Variants in MACROD2 observed in about 807,000 individuals in gnomAD.
MACROD2 encodes the protein mono-ADP ribosylhydrolase 2, also known as ADP-ribose glycohydrolase MACROD2.
MACROD2 carries 36 observed loss-of-function variants against 70.4 expected under a neutral mutation model. That is an observed-to-expected ratio of 0.51 (90% confidence interval 0.39 to 0.68). The LOEUF (loss-of-function observed/expected upper bound fraction) is 0.68. MACROD2 is among the 30% of genes least tolerant of loss of function. MACROD2 has a pLI of 0.00. For synonymous variants in MACROD2, 172 were observed against 178.8 expected, an observed-to-expected ratio of 0.96 and a Z score of 0.30; for missense variants, 496 against 538.4, an observed-to-expected ratio of 0.92 and a Z score of 0.78.
intron 4 of MACROD2, among the ~76,000 whole-genome samples, chr20:14,540,533 G>C (rs1412097390): frequency 6.6e-6 from 1 of 152,066 alleles, no homozygotes; most frequent in Admixed American, 6.6e-5. Flanking sequence ...TTTCCTTCAA[G>C]TGGAATGGCC....
chr20:15,007,442 C>A (rs1056480395), intron 5 of MACROD2, among the ~76,000 whole-genome samples: 1 of 151,868 alleles, frequency 6.6e-6, no homozygotes, highest in Non-Finnish European at 1.5e-5. Context: ...ATTATATACT[C>A]TCTTGTTCAA....
At position 15,168,507 on chromosome 20, in the gene MACROD2, C is replaced by T. The variant is rs2076401757; in HGVS notation, c.419-61433C>T. 3.7e-5 allele frequency among the ~76,000 whole-genome samples: 5 copies of T among 134,288 alleles called. 1 individual carries two copies. In the South Asian group the frequency reaches 7.2e-4, roughly 19 times the overall value. The allele number at this position is 134,288 out of a possible 152,430, so 88.1% of individuals were successfully genotyped here. A position where few individuals can be genotyped will look rare whatever the true frequency, so the allele number is the denominator to read the frequency against. On this transcript the variant is annotated intron_variant, in intron 5 of 17. Transcript: ENST00000684519. ...TGTGTGTGTTGACATGAATTATTTC[C>T]ATCATTTAAAAACTCAGAAAGATGG...
chr20:15,030,304 A>T (rs951658792), intron 5 of MACROD2, among the ~76,000 whole-genome samples: 1 of 152,122 alleles, frequency 6.6e-6, no homozygotes, highest in Non-Finnish European at 1.5e-5. Flanking sequence ...CTACACAAAA[A>T]TTTTTAAAAA....
intron 8 of MACROD2, among the ~76,000 whole-genome samples, chr20:15,557,445 G>T (rs1182513347): frequency 6.6e-6 from 1 of 152,172 alleles, no homozygotes; most frequent in Non-Finnish European, 1.5e-5. Context: ...CCCACAAGAA[G>T]AAACAGCAAA....
rs80320876 is a variant in MACROD2 at position 14,977,997 on chromosome 20, T to C, written c.419-251943T>C. 3.9e-5 allele frequency among the ~76,000 whole-genome samples: 6 copies of C among 152,296 alleles called. No homozygotes were observed. The East Asian group carries it at 7.7e-4, about 20-fold the overall frequency. On this transcript the variant is annotated intron_variant, in intron 5 of 17. Coordinates refer to ENST00000684519, the MANE Select transcript of MACROD2 (RefSeq NM_001351661.2). Reference sequence around the variant, plus strand: ...AAACTCATTTCTGCCTAGGTTCATATTGAAGCTTCAGATTCTTCCTTAATA... The same window carrying C: ...AAACTCATTTCTGCCTAGGTTCATACTGAAGCTTCAGATTCTTCCTTAATA...
intron 7 of MACROD2, among the ~76,000 whole-genome samples, chr20:15,475,942 G>A (rs575918986): frequency 1.1e-4 from 16 of 152,260 alleles, no homozygotes; most frequent in South Asian, 8.3e-4. Flanking sequence ...TCTTCGTTGC[G>A]TTCTATAAGG....
intron 3 of MACROD2, among the ~76,000 whole-genome samples, chr20:14,334,795 C>CTTT (rs11087087): frequency 1.3e-5 from 2 of 148,662 alleles, no homozygotes; most frequent in African/African-American, 5.0e-5. Flanking sequence ...ATTTCTAATG[C>CTTT]TTTTTTTTTT....
chr20:14,064,672 G>C (rs2053734621), intron 2 of MACROD2, among the ~76,000 whole-genome samples: 1 of 152,140 alleles, frequency 6.6e-6, no homozygotes, highest in Admixed American at 6.5e-5. Context: ...AGCTTCCTCA[G>C]AGATCTGTGT....
At chr20:14,327,204 G>T in intron 3 of MACROD2, 1 of 1,613,594 alleles carries the variant, frequency 6.2e-7, no homozygotes, top group Non-Finnish European at 8.5e-7. Context: ...ACTTTGGGAG[G>T]TTGGTAGGAA....
At chr20:14,962,511 CTCTCTCTCTCTCTCTT>C (rs1313631742) in intron 5 of MACROD2, among the ~76,000 whole-genome samples, 4,108 of 133,330 alleles carry the variant, frequency 0.031, 185 homozygotes, top group African/African-American at 0.1. Context: ...CAGAATTTTG[CTCTCTCTCTCTCTCTT>C]TCTCTCTCTC....
intron 6 of MACROD2, among the ~76,000 whole-genome samples, chr20:15,429,444 G>A (rs928963067): frequency 6.6e-6 from 1 of 152,028 alleles, no homozygotes; most frequent in Non-Finnish European, 1.5e-5. Context: ...GCAGAAAAAA[G>A]CATATATCAT....
intron 3 of MACROD2, among the ~76,000 whole-genome samples, chr20:14,134,676 G>T (rs1185817885): frequency 2.0e-5 from 3 of 151,774 alleles, no homozygotes; most frequent in African/African-American, 7.3e-5. Flanking sequence ...GTGGTGGCGC[G>T]TGCGTGTAGT....
intron 3 of MACROD2, among the ~76,000 whole-genome samples, chr20:14,126,412 A>G (rs1164646681): frequency 1.3e-5 from 2 of 152,202 alleles, no homozygotes; most frequent in Admixed American, 6.5e-5. Context: ...ACACATTCTA[A>G]GGTAATGGGG....
At chr20:15,587,015 AT>A (rs2048612052) in intron 8 of MACROD2, among the ~76,000 whole-genome samples, 1 of 152,230 alleles carries the variant, frequency 6.6e-6, no homozygotes, top group East Asian at 1.9e-4. Context: ...TAAATAAGAA[AT>A]AAATTCAATA....
At chr20:15,146,089 T>C (rs1270914202) in intron 5 of MACROD2, among the ~76,000 whole-genome samples, 3 of 152,194 alleles carry the variant, frequency 2.0e-5, no homozygotes, top group Non-Finnish European at 4.4e-5. Context: ...TTCAATCTCA[T>C]ACAGCTTTGA....
In MACROD2 at chr20:15,782,202, TAGAA is replaced by T. The variant is rs367975672; in HGVS notation, c.646-80540_646-80537del. Among the ~76,000 whole-genome samples the T allele has an allele frequency of 5.3e-3, 814 of 152,236 alleles. 4 individuals carry two copies. The highest frequency in any genetic ancestry group is 7.6e-3 in the Non-Finnish European group (514 of 67,990). Reference sequence around the variant, plus strand: ...TTTGAAGATTAAATGAGACAGGACATAGAAAGCACTCAGCACAAAGTTTGGCATA... The same window carrying T: ...TTTGAAGATTAAATGAGACAGGACATAGCACTCAGCACAAAGTTTGGCATA... On this transcript the variant is annotated intron_variant, in intron 8 of 17. Coordinates refer to ENST00000684519, the MANE Select transcript of MACROD2 (RefSeq NM_001351661.2).
intron 4 of MACROD2, among the ~76,000 whole-genome samples, chr20:14,680,298 A>C (rs6034007): frequency 3.3e-5 from 5 of 152,076 alleles, no homozygotes; most frequent in African/African-American, 9.6e-5. Context: ...AATAACTGAG[A>C]AAATAATTCA....
intron 6 of MACROD2, among the ~76,000 whole-genome samples, chr20:15,269,648 T>C (rs1285706929): frequency 6.6e-6 from 1 of 152,218 alleles, no homozygotes; most frequent in Admixed American, 6.5e-5. Context: ...TCCTGTCTTT[T>C]AGAATTTTCT....
At chr20:14,833,582 A>G (rs1252537473) in intron 5 of MACROD2, among the ~76,000 whole-genome samples, 1 of 152,110 alleles carries the variant, frequency 6.6e-6, no homozygotes, top group Non-Finnish European at 1.5e-5. Flanking sequence ...CAGTTAATTT[A>G]ATGCTTGGAA....
Sources: gnomAD v4.1 joint callset for allele counts (sites outside exome capture counted in the v4.1 genomes callset) on GRCh38, gnomAD v4.1.1 for gene constraint, MANE v1.5 for transcripts, NCBI Gene and HGNC (gene_info 2026-07-23, HGNC 2026-07-21) for gene names.